The following ZNF324B variants were observed in gnomAD, a reference collection of about 807,000 sequenced individuals.
The protein encoded by ZNF324B is zinc finger protein 324B.
ZNF324B carries 7 observed loss-of-function variants against 10.6 expected under a neutral mutation model. The ratio of observed to expected loss-of-function variants is 0.66; its 90% CI spans 0.38 to 1.24. The LOEUF is 1.24. Among genes scored for constraint, ZNF324B ranks in the 50% most tolerant of loss-of-function variants. The probability of loss-of-function intolerance (pLI) is 0.02; values close to 1 mark genes in which losing one functional copy is unlikely to be tolerated. For synonymous variants in ZNF324B, 316 were observed against 321.0 expected (o/e 0.98, Z 0.17); for missense variants, 640 against 764.7 (o/e 0.84, Z 1.92).
chr19:58,432,772 C>T, the ZNF324B span: 1 of 165,150 alleles, frequency 6.1e-6, no homozygotes. Flanking sequence ...TCTATCCATT[C>T]ATTTTCTCAA....
At chr19:58,418,568 ATCC>A in the ZNF324B span, 1 of 151,382 alleles carries the variant, frequency 6.6e-6, no homozygotes, top group Non-Finnish European at 1.5e-5. Flanking sequence ...GCCTCAAGCT[ATCC>A]TCCTGCCTTG....
In ZNF324B at chr19:58,453,199, G is replaced by A. The variant is rs576626042; in HGVS notation, c.-6-497G>A. 335 of 165,484 alleles carry A rather than the reference G, an allele frequency of 2.0e-3. 2 individuals are homozygous for A. The highest frequency in any genetic ancestry group is 3.9e-3 in the Non-Finnish European group (291 of 75,256). The allele number at this position is 165,484 out of a possible 1,614,324, so 10.3% of individuals were successfully genotyped here. On this transcript the variant is annotated intron_variant, in intron 1 of 3. Transcript: ENST00000336614. ...CCTGTGTTCACAGGTTCTTGGGGCT[G>A]CACCCCTATGACGACTGGTGGGGAT...
the ZNF324B span, among the ~76,000 whole-genome samples, chr19:58,427,389 T>TTC: frequency 1.1e-3 from 56 of 48,928 alleles, no homozygotes; most frequent in African/African-American, 4.4e-3. Flanking sequence ...TTTCTTTCTT[T>TTC]CTTTCTTTCT....
At chr19:58,422,032 C>T in the ZNF324B span, among the ~76,000 whole-genome samples, 1 of 152,176 alleles carries the variant, frequency 6.6e-6, no homozygotes, top group South Asian at 2.1e-4. Flanking sequence ...ATTCGCCTGC[C>T]TCAGCCCCCC....
In ZNF324B at chr19:58,454,642, C is replaced by T. The variant is rs2052895533; in HGVS notation, c.238+298C>T. ...GGTATTTATTTCGCCCATCATTTAT[C>T]TTTGTATTCATCAAATGTTTCCTGA... On this transcript the variant is annotated intron_variant, in intron 3 of 3. Transcript: ENST00000336614. 24 of 564,408 alleles carry T rather than the reference C, an allele frequency of 4.3e-5. No individual in the cohort carries two copies. In the South Asian group the frequency reaches 6.1e-4, roughly 14 times the overall value. The allele number at this position is 564,408 out of a possible 1,614,324, so 35.0% of individuals were successfully genotyped here.
In ZNF324B at chr19:58,456,853, T is replaced by C. The variant is rs2052928043; in HGVS notation, c.*274T>C. Reference sequence around the variant, plus strand: ...AACTCTGGTGGGGCTGAGGCTGTAGTTGGGGCCATAGGACGCCGACAAAGG... The same window carrying C: ...AACTCTGGTGGGGCTGAGGCTGTAGCTGGGGCCATAGGACGCCGACAAAGG... On this transcript the variant is annotated 3_prime_UTR_variant, in exon 4 of 4. Transcript: ENST00000336614. This position sits in a 1 kb window ranked among gnomAD's most constrained non-coding sequence, Gnocchi z 4.7. The C allele has an allele frequency of 3.6e-6, 2 of 554,146 alleles. No homozygotes were observed. The highest frequency in any genetic ancestry group is 2.9e-5 in the East Asian group (1 of 33,956). 34.3% of individuals were successfully genotyped at this position (554,146 alleles called of 1,614,324 possible).
chr19:58,440,304 G>A, the ZNF324B span: 1 of 172,366 alleles, frequency 5.8e-6, no homozygotes, highest in South Asian at 9.6e-5. Flanking sequence ...TTGAGGAATG[G>A]CGTTTATTGC....
Position 58,455,190 on chromosome 19 carries a change from G to A in ZNF324B, c.246G>A (p.Trp82Ter), listed in dbSNP as rs1413332495. Residue 82 changes from tryptophan to a stop codon, truncating the protein, a stop_gained, in exon 4 of 4, where the codon TGG becomes TGA. Coordinates refer to ENST00000336614, the MANE Select transcript of ZNF324B (RefSeq NM_207395.3). LOFTEE classifies it low-confidence loss of function (END_TRUNC). This position sits in a 1 kb window ranked among gnomAD's most constrained non-coding sequence, Gnocchi z 7.0. ...NTYGRLNSGS[W>*]SLTEDRDVSG... ...CCGTTTCTCTGCGTTTAGGTTCCTG[G>A]AGTTTGACAGAGGATAGAGATGTTT... 1 of 1,614,128 alleles carries A rather than the reference G, an allele frequency of 6.2e-7. No homozygotes were observed.
At chr19:58,435,290 A>G in the ZNF324B span, 1 of 1,497,200 alleles carries the variant, frequency 6.7e-7, no homozygotes, top group Non-Finnish European at 9.0e-7. Context: ...GTTACCCAGG[A>G]ATTCACACCC....
chr19:58,420,489 G>A, the ZNF324B span, among the ~76,000 whole-genome samples: 1 of 151,876 alleles, frequency 6.6e-6, no homozygotes. Context: ...AGCACTCTGG[G>A]ATACTGAGGT....
rs148369158 is a variant in ZNF324B at position 58,454,328 on chromosome 19, C to T, written c.222C>T (p.Tyr74=). Residue 74 remains tyrosine (Y), a synonymous_variant, in exon 3 of 4, where the codon TAC becomes TAT. Coordinates refer to ENST00000336614, the MANE Select transcript of ZNF324B (RefSeq NM_207395.3). The stretch of plus-strand genomic sequence containing the variant: ...ACATGACCCTGGCCAGGAACACCTA[C>T]GGGAGGCTCAACTCTGGTGAGTGGG... The part of the protein sequence containing the change: ...GKDMTLARNT[Y]GRLNSGSWSL... The T allele has an allele frequency of 2.4e-4, 386 of 1,613,420 alleles. No individual in the cohort carries two copies. Among genetic ancestry groups the T allele is most frequent in the Middle Eastern group, 5.0e-4 (3 of 6,056 alleles).
intron 1 of ZNF324B, among the ~76,000 whole-genome samples, chr19:58,453,445 C>T (rs1232891981): frequency 6.6e-6 from 1 of 152,176 alleles, no homozygotes; most frequent in Non-Finnish European, 1.5e-5. Flanking sequence ...AAGGGCCCAG[C>T]CAGGGCTTGC....
At chr19:58,424,731 A>G in the ZNF324B span, among the ~76,000 whole-genome samples, 1 of 151,852 alleles carries the variant, frequency 6.6e-6, no homozygotes, top group African/African-American at 2.4e-5. Context: ...TCCCAGCTAC[A>G]TTGGGCAGGA....
At chr19:58,439,007 C>T in the ZNF324B span, among the ~76,000 whole-genome samples, 2 of 152,102 alleles carry the variant, frequency 1.3e-5, no homozygotes, top group Admixed American at 1.3e-4. Context: ...CTCCTGACCT[C>T]AAGTGATCTG....
chr19:58,439,988 G>C, the ZNF324B span: 1 of 668,086 alleles, frequency 1.5e-6, no homozygotes, highest in Non-Finnish European at 2.5e-6. Context: ...CGTGGCGCTG[G>C]CTCCACTTTC....
At chr19:58,448,841 G>A (rs1017529298), upstream of ZNF324B, among the ~76,000 whole-genome samples, 1 of 152,318 alleles carries the variant, frequency 6.6e-6, no homozygotes, top group East Asian at 1.9e-4. Flanking sequence ...GGGAAATACA[G>A]CATAAAAGTT....
the ZNF324B span, among the ~76,000 whole-genome samples, chr19:58,419,741 TG>T: frequency 6.6e-6 from 1 of 152,188 alleles, no homozygotes; most frequent in Non-Finnish European, 1.5e-5. Flanking sequence ...AAGTTTTTGC[TG>T]TCATGGTGTC....
At chr19:58,435,753 G>A in the ZNF324B span, 16 of 154,570 alleles carry the variant, frequency 1.0e-4, no homozygotes, top group Admixed American at 6.4e-5. Context: ...ACAAAAATGT[G>A]TACAGGACTG....
the ZNF324B span, chr19:58,437,288 A>G: frequency 6.8e-7 from 1 of 1,463,572 alleles, no homozygotes; most frequent in Admixed American, 2.3e-5. Flanking sequence ...ATCCTGATAC[A>G]TCTACCACTA....
Sources: gnomAD v4.1 joint callset for allele counts (sites outside exome capture counted in the v4.1 genomes callset) on GRCh38, gnomAD v4.1.1 for gene constraint, Gnocchi (gnomAD v3.1) non-coding constraint, MANE v1.5 for transcripts, NCBI Gene and HGNC (gene_info 2026-07-23, HGNC 2026-07-21) for gene names.